Variants in ARMC2 observed in about 807,000 individuals in gnomAD.
ARMC2 encodes the protein armadillo repeat containing 2.
A neutral mutation model predicts 90.3 loss-of-function variants in ARMC2; 67 were observed. The ratio of observed to expected loss-of-function variants is 0.74; its 90% confidence interval spans 0.61 to 0.91. The LOEUF (loss-of-function observed/expected upper bound fraction) is 0.91. Ranked by LOEUF, ARMC2 falls within the 40% of genes least tolerant of loss-of-function variation. The pLI is 0.00. For synonymous variants in ARMC2, 393 were observed against 393.0 expected (o/e 1.00, Z 0.00); for missense variants, 920 against 1,030.9 (o/e 0.89, Z 1.47).
At chr6:108,892,395 C>T (rs1014058733) in intron 5 of ARMC2, among the ~76,000 whole-genome samples, 4 of 151,858 alleles carry the variant, frequency 2.6e-5, no homozygotes, top group African/African-American at 4.8e-5. Flanking sequence ...ATTAATTAGA[C>T]AATTTTTGGA....
chr6:108,907,649 T>C (rs1772918410), intron 8 of ARMC2: 3 of 1,597,094 alleles, frequency 1.9e-6, no homozygotes, highest in Non-Finnish European at 2.6e-6. Context: ...GAGATGCTTG[T>C]AGGAAAAGGA....
the ARMC2 span, among the ~76,000 whole-genome samples, chr6:108,996,314 A>G: frequency 6.8e-4 from 103 of 152,288 alleles, no homozygotes; most frequent in African/African-American, 2.5e-3. Context: ...CATGATGGGA[A>G]GTGTTTCTAT....
chr6:108,986,136 A>AT, the ARMC2 span, among the ~76,000 whole-genome samples: 4 of 152,174 alleles, frequency 2.6e-5, no homozygotes, highest in Admixed American at 6.5e-5. Context: ...GATGAGTGTC[A>AT]TTTTTTGTTC....
rs1015707475 is a variant in ARMC2, at chr6:108,868,822, A to G, written c.292-2A>G. 3.7e-6 allele frequency: 6 copies of G among 1,608,814 alleles called. No individual in the cohort carries two copies. Among genetic ancestry groups the G allele is most frequent in the Non-Finnish European group, 5.1e-6 (6 of 1,178,482 alleles). Reference sequence around the variant, plus strand: ...CAGTTATTTAAAAAAATCTCTTTCCAGAAACCGAAAGTTCCAGCATCTCCC... The same window carrying G: ...CAGTTATTTAAAAAAATCTCTTTCCGGAAACCGAAAGTTCCAGCATCTCCC... On this transcript the variant is annotated splice_acceptor_variant, in intron 3 of 17. Coordinates refer to ENST00000392644, the MANE Select transcript of ARMC2 (RefSeq NM_032131.6). LOFTEE classifies it high-confidence loss of function.
In ARMC2 at chr6:108,886,865, CAA is replaced by C. The variant is rs568563180; in HGVS notation, c.672-7600_672-7599del. 2.9e-4 allele frequency among the ~76,000 whole-genome samples: 43 copies of C among 150,724 alleles called. 1 individual carries two copies. In the South Asian group the frequency reaches 9.0e-3, roughly 32 times the overall value. On this transcript the variant is annotated intron_variant, in intron 5 of 17. Transcript: ENST00000392644. ...ATTAGAAGAACTGTCAGAATTATAG[CAA>C]AGTCTGAATTTTATAGTTTTTTTTT... is the stretch of plus-strand genomic sequence containing the variant.
At chr6:108,877,990 T>C (rs1777101049) in intron 5 of ARMC2, among the ~76,000 whole-genome samples, 1 of 152,250 alleles carries the variant, frequency 6.6e-6, no homozygotes, top group South Asian at 2.1e-4. Flanking sequence ...GTTTGCAATG[T>C]ACCCTGGCAA....
At chr6:108,877,353 T>C (rs1172293575) in intron 5 of ARMC2, among the ~76,000 whole-genome samples, 1 of 152,234 alleles carries the variant, frequency 6.6e-6, no homozygotes, top group African/African-American at 2.4e-5. Flanking sequence ...GAACCGACCT[T>C]GTCTGCTGAC....
At chr6:108,964,361 T>A in intron 16 of ARMC2, 49 bp downstream of exon 16, 1 of 1,588,746 alleles carries the variant, frequency 6.3e-7, no homozygotes, top group Non-Finnish European at 8.6e-7. Flanking sequence ...TTGAAGGACA[T>A]CATTTTCTTG....
Position 108,969,648 on chromosome 6 carries a change from A to C in ARMC2, c.2447-3709A>C, listed in dbSNP as rs117980913. ...AAAGACAAGTATTATAATGTGAAACATTTGTTTATTCATATATAAGTAGGT... is the reference window on the plus strand; with the variant it reads ...AAAGACAAGTATTATAATGTGAAACCTTTGTTTATTCATATATAAGTAGGT... On this transcript the variant is annotated intron_variant, in intron 17 of 17. Coordinates refer to ENST00000392644, the MANE Select transcript of ARMC2 (RefSeq NM_032131.6). Among the ~76,000 whole-genome samples, 74 of 152,374 alleles carry C rather than the reference A, an allele frequency of 4.9e-4. 1 individual carries two copies. In the East Asian group the frequency reaches 0.014, roughly 29 times the overall value.
chr6:108,964,062 C>T (rs1401057957), intron 15 of ARMC2, 118 bp from the exon 16 acceptor site: 2 of 1,134,044 alleles, frequency 1.8e-6, no homozygotes, highest in Non-Finnish European at 2.5e-6. Flanking sequence ...AGTTAAGTCC[C>T]TTAACAGGGG....
chr6:108,910,804 T>G (rs1337840360), intron 8 of ARMC2, 95 bp from the exon 9 acceptor site: 4 of 593,206 alleles, frequency 6.7e-6, no homozygotes, highest in Non-Finnish European at 8.1e-6. Flanking sequence ...TTAAAAATAC[T>G]GTTGCTGTAC....
chr6:108,953,239 G>T lies in ARMC2; in HGVS notation c.1803G>T (p.Glu601Asp). Reference sequence around the variant, plus strand: ...CGCAGAGGCCGCCGTCAGAGGCAGAGGACGTGCTCATCAAGCTGACTCGTG... The same window carrying T: ...CGCAGAGGCCGCCGTCAGAGGCAGATGACGTGCTCATCAAGCTGACTCGTG... ...HRAQRPPSEA[E>D]DVLIKLTRVL... The change falls in exon 13 of 18, where the codon GAG becomes GAT. Residue 601 changes from glutamate to aspartate, a missense_variant. Transcript: ENST00000392644. 1.2e-6 allele frequency: 2 copies of T among 1,613,726 alleles called. No individual in the cohort carries two copies. Among genetic ancestry groups the T allele is most frequent in the Non-Finnish European group, 1.7e-6 (2 of 1,179,898 alleles).
At chr6:109,001,129 G>A in the ARMC2 span, among the ~76,000 whole-genome samples, 110 of 152,216 alleles carry the variant, frequency 7.2e-4, no homozygotes, top group Non-Finnish European at 1.3e-3. Context: ...ATACTTGAGA[G>A]CGTACTTATT....
chr6:108,906,395 A>T (rs1583067785), intron 8 of ARMC2, among the ~76,000 whole-genome samples: 1 of 152,160 alleles, frequency 6.6e-6, no homozygotes, highest in East Asian at 1.9e-4. Flanking sequence ...AATTTGCCAA[A>T]TTTACTTTAA....
At chr6:109,009,879 C>A in the ARMC2 span, among the ~76,000 whole-genome samples, 1 of 152,134 alleles carries the variant, frequency 6.6e-6, no homozygotes, top group African/African-American at 2.4e-5. Flanking sequence ...CCTGCTCGGC[C>A]ATTTACCTAG....
intron 12 of ARMC2, among the ~76,000 whole-genome samples, chr6:108,937,887 G>A (rs1441819789): frequency 3.3e-5 from 5 of 151,892 alleles, no homozygotes; most frequent in African/African-American, 9.7e-5. Context: ...TAGTAGAGAC[G>A]AGGTTTCACC....
chr6:108,873,464 G>A (rs1331666063), intron 4 of ARMC2, among the ~76,000 whole-genome samples: 2 of 152,150 alleles, frequency 1.3e-5, no homozygotes, highest in African/African-American at 4.8e-5. Context: ...CACGGTGGGT[G>A]CACCGGCAGG....
chr6:108,880,059 C>T (rs1052848132), intron 5 of ARMC2: 39 of 402,798 alleles, frequency 9.7e-5, no homozygotes, highest in Non-Finnish European at 1.5e-4. Flanking sequence ...AGGCATTCTC[C>T]AGTAATCCAA....
chr6:109,030,195 T>C, the ARMC2 span, among the ~76,000 whole-genome samples: 1 of 152,300 alleles, frequency 6.6e-6, no homozygotes, highest in South Asian at 2.1e-4. Context: ...ATCAGCACTT[T>C]AGTACATAAC....
Sources: gnomAD v4.1 joint callset for allele counts (sites outside exome capture counted in the v4.1 genomes callset) on GRCh38, gnomAD v4.1.1 for gene constraint, MANE v1.5 for transcripts, NCBI Gene and HGNC (gene_info 2026-07-23, HGNC 2026-07-21) for gene names.